Variants in GLT1D1 observed in about 807,000 individuals in gnomAD.
The protein encoded by GLT1D1 is glycosyltransferase 1 domain-containing protein 1.
Under a neutral mutation model 28.7 loss-of-function variants are expected in GLT1D1, and 21 were observed. The observed-to-expected ratio is 0.73, with a 90% confidence interval of 0.52 to 1.05. The LOEUF (loss-of-function observed/expected upper bound fraction) is 1.05. Ranked by LOEUF, GLT1D1 falls within the 50% of genes least tolerant of loss-of-function variation. The pLI is 0.00. For synonymous variants in GLT1D1, 147 were observed against 124.8 expected, an observed-to-expected ratio of 1.18 and a Z score of -1.19; for missense variants, 343 against 330.6, an observed-to-expected ratio of 1.04 and a Z score of -0.29.
At chr12:128,950,632 T>C (rs1232360719) in intron 6 of GLT1D1, among the ~76,000 whole-genome samples, 2 of 152,138 alleles carry the variant, frequency 1.3e-5, no homozygotes, top group Non-Finnish European at 2.9e-5. Context: ...TCAGCTTCAC[T>C]TGTTTTGGGG....
rs1489032834 is a variant in GLT1D1, at chr12:128,984,921, G to A, written c.*1831G>A. Reference sequence around the variant, plus strand: ...CATGCCTCACGCACTATGTGGGAAGGGCGTGTTTTTAAATTAATAAAGTGT... The same window carrying A: ...CATGCCTCACGCACTATGTGGGAAGAGCGTGTTTTTAAATTAATAAAGTGT... On this transcript the variant is annotated 3_prime_UTR_variant, in exon 8 of 8. Transcript: ENST00000281703. 1 of 152,124 alleles carries A rather than the reference G, an allele frequency of 6.6e-6. No individual in the cohort carries two copies. The highest frequency in any genetic ancestry group is 2.4e-5 in the African/African-American group (1 of 41,416). 9.4% of individuals were successfully genotyped at this position (152,124 alleles called of 1,614,324 possible).
intron 4 of GLT1D1, among the ~76,000 whole-genome samples, chr12:128,942,619 G>A (rs1157725067): frequency 4.0e-5 from 6 of 151,364 alleles, no homozygotes; most frequent in East Asian, 3.9e-4. Context: ...CATGGAAGAC[G>A]CCATCAGGTT....
rs74390805 is a variant in GLT1D1, at chr12:128,861,499, T to C, written c.68+7850T>C. Among the ~76,000 whole-genome samples, 1,164 of 152,332 alleles carry C rather than the reference T, an allele frequency of 7.6e-3. 11 individuals are homozygous for C. Among genetic ancestry groups the C allele is most frequent in the African/African-American group, 0.027 (1,102 of 41,572 alleles). ...CGGGAAGAGAACAAAATAGAGCATT[T>C]GGTCCTCCTCGGCCCAGAGCAGGGA... On this transcript the variant is annotated intron_variant, in intron 1 of 7. Transcript: ENST00000281703.
chr12:128,855,652 G>A (rs1682458), intron 1 of GLT1D1, among the ~76,000 whole-genome samples: 14,176 of 151,824 alleles, frequency 0.093, 748 homozygotes, highest in East Asian at 0.18. Context: ...AATTCAGGGC[G>A]AGTCCTTAAA....
chr12:128,950,751 G>C (rs540295125), intron 6 of GLT1D1, among the ~76,000 whole-genome samples: 6 of 152,302 alleles, frequency 3.9e-5, no homozygotes, highest in African/African-American at 1.4e-4. Flanking sequence ...AGCCACAAAG[G>C]CTTTTACAAA....
chr12:128,981,127 A>G (rs1052983831), intron 7 of GLT1D1, among the ~76,000 whole-genome samples: 1 of 152,034 alleles, frequency 6.6e-6, no homozygotes, highest in African/African-American at 2.4e-5. Context: ...TCTTTCTGCC[A>G]CTCATCCAGG....
chr12:128,964,297 C>T (rs942719180), intron 7 of GLT1D1, among the ~76,000 whole-genome samples: 2 of 152,122 alleles, frequency 1.3e-5, no homozygotes, highest in East Asian at 3.9e-4. Flanking sequence ...ATGGGAGGAT[C>T]ACTTGAGCCT....
intron 6 of GLT1D1, among the ~76,000 whole-genome samples, chr12:128,952,422 G>A (rs1876780963): frequency 1.1e-5 from 1 of 93,022 alleles, no homozygotes. Context: ...GGGCAGGGGT[G>A]TAGGGTGGGG....
chr12:128,880,787 A>G (rs1957013304), intron 2 of GLT1D1, among the ~76,000 whole-genome samples: 1 of 152,226 alleles, frequency 6.6e-6, no homozygotes, highest in Non-Finnish European at 1.5e-5. Context: ...AATACAAAGA[A>G]GAAAATATGG....
At chr12:128,940,161 C>T (rs939752612) in intron 4 of GLT1D1, among the ~76,000 whole-genome samples, 2 of 151,832 alleles carry the variant, frequency 1.3e-5, no homozygotes, top group Non-Finnish European at 1.5e-5. Flanking sequence ...TTGGTGGTGT[C>T]GTCTGTAGCT....
chr12:128,888,993 A>G (rs1371196275), intron 3 of GLT1D1, among the ~76,000 whole-genome samples: 1 of 152,202 alleles, frequency 6.6e-6, no homozygotes, highest in East Asian at 1.9e-4. Flanking sequence ...AATGGTCTGC[A>G]TGGAGCCAGG....
In GLT1D1 at chr12:128,944,305, A is replaced by G. The variant is rs1372881860; in HGVS notation, c.376-1021A>G. On this transcript the variant is annotated intron_variant, in intron 4 of 7. Transcript: ENST00000281703. ...TGAAGCTTCCTGGCTTGTTTGAGGA[A>G]CGTCAGTTTGGAGGAAAGCATATCC... 2.1e-5 allele frequency: 14 copies of G among 666,620 alleles called. No homozygotes were observed. In the East Asian group the frequency reaches 4.2e-4, roughly 20 times the overall value. 41.3% of individuals were successfully genotyped at this position (666,620 alleles called of 1,614,324 possible).
chr12:128,931,905 A>G (rs571983395), intron 4 of GLT1D1, among the ~76,000 whole-genome samples: 2 of 79,930 alleles, frequency 2.5e-5, no homozygotes, highest in South Asian at 1.2e-3. Context: ...GGATATGTGC[A>G]CACACACGCA....
chr12:128,954,194 G>A (rs1295238460), intron 6 of GLT1D1, among the ~76,000 whole-genome samples: 4 of 151,154 alleles, frequency 2.6e-5, no homozygotes, highest in African/African-American at 9.7e-5. Flanking sequence ...CGCGATCTCG[G>A]CTCACTGCAA....
At chr12:128,933,210 G>C (rs9739555) in intron 4 of GLT1D1, among the ~76,000 whole-genome samples, 12,473 of 152,326 alleles carry the variant, frequency 0.082, 614 homozygotes, top group East Asian at 0.14. Context: ...GCTTTACCAA[G>C]GCCAGTTTCT....
chr12:128,983,583 G>T lies in GLT1D1; in HGVS notation c.*493G>T, dbSNP rs1438474160. On this transcript the variant is annotated 3_prime_UTR_variant, in exon 8 of 8. Coordinates refer to ENST00000281703, the MANE Select transcript of GLT1D1 (RefSeq NM_144669.3). The surrounding 1 kb of genome is among the most constrained non-coding windows in gnomAD (Gnocchi z 4.7). Reference sequence around the variant, plus strand: ...GTGATCTCAGGACTCTGACAGGCACGTGGGTGACCCGAGGCTTCTCTGAAC... The same window carrying T: ...GTGATCTCAGGACTCTGACAGGCACTTGGGTGACCCGAGGCTTCTCTGAAC... The T allele has an allele frequency of 6.4e-6, 1 of 155,656 alleles. No homozygotes were observed. Among genetic ancestry groups the T allele is most frequent in the Non-Finnish European group, 1.4e-5 (1 of 69,968 alleles). The allele number at this position is 155,656 out of a possible 1,614,324, so 9.6% of individuals were successfully genotyped here.
rs61169176 is a variant in GLT1D1 at position 128,973,179 on chromosome 12, GTTTTTTTTTT to G, written c.640-9732_640-9723del. 3.5e-4 allele frequency among the ~76,000 whole-genome samples: 18 copies of G among 50,986 alleles called. No individual in the cohort carries two copies. The Admixed American group carries it at 3.6e-3, about 10-fold the overall frequency. 33.4% of individuals were successfully genotyped at this position (50,986 alleles called of 152,430 possible). A position where few individuals can be genotyped will look rare whatever the true frequency, so the allele number is the denominator to read the frequency against. ...CTTTTCTGTTTTGTTTGTTTGCTTG[GTTTTTTTTTT>G]TTTTTTTTTTTTTTTTTGAGACTCG... On this transcript the variant is annotated intron_variant, in intron 7 of 7. Coordinates refer to ENST00000281703, the MANE Select transcript of GLT1D1 (RefSeq NM_144669.3).
intron 2 of GLT1D1, among the ~76,000 whole-genome samples, chr12:128,884,309 T>TACCACATGGTTC (rs1210893307): frequency 6.6e-6 from 1 of 152,128 alleles, no homozygotes; most frequent in Non-Finnish European, 1.5e-5. Context: ...GAAATACAAA[T>TACCACATGGTTC]ACCACATGGT....
At chr12:128,971,470 G>T (rs1430993179) in intron 7 of GLT1D1, among the ~76,000 whole-genome samples, 2 of 91,248 alleles carry the variant, frequency 2.2e-5, no homozygotes, top group Non-Finnish European at 4.2e-5. Flanking sequence ...CCCTCCCTCT[G>T]CCTCCCTCCC....
Sources: gnomAD v4.1 joint callset for allele counts (sites outside exome capture counted in the v4.1 genomes callset) on GRCh38, gnomAD v4.1.1 for gene constraint, Gnocchi (gnomAD v3.1) non-coding constraint, MANE v1.5 for transcripts, NCBI Gene and HGNC (gene_info 2026-07-23, HGNC 2026-07-21) for gene names.